PARD3B: variants seen among roughly 807,000 people sequenced by gnomAD.
PARD3B encodes partitioning defective 3 homolog B.
In PARD3B, 103 loss-of-function variants were observed where a neutral mutation model predicts 130.2. That is an observed-to-expected ratio of 0.79 (90% confidence interval 0.67 to 0.93). PARD3B has a LOEUF of 0.93. Ranked by LOEUF, PARD3B falls within the 40% of genes least tolerant of loss-of-function variation. The pLI is 0.00. For synonymous variants in PARD3B, 583 were observed against 553.2 expected (o/e 1.05, Z -0.76); for missense variants, 1,609 against 1,499.2 (o/e 1.07, Z -1.21).
intron 4 of PARD3B, among the ~76,000 whole-genome samples, chr2:205,072,104 A>G (rs1700772094): frequency 6.6e-6 from 1 of 152,190 alleles, no homozygotes; most frequent in African/African-American, 2.4e-5. Flanking sequence ...AAGAAATAAG[A>G]TATAGTTTGA....
At position 205,473,303 on chromosome 2, in the gene PARD3B, T is replaced by C. The variant is rs769636471; in HGVS notation, c.3045-26593T>C. Among the ~76,000 whole-genome samples, 1 of 152,144 alleles carries C rather than the reference T, an allele frequency of 6.6e-6. No homozygotes were observed. The highest frequency in any genetic ancestry group is 1.5e-5 in the Non-Finnish European group (1 of 68,008). On this transcript the variant is annotated intron_variant, in intron 20 of 22. Coordinates refer to ENST00000406610, the MANE Select transcript of PARD3B (RefSeq NM_001302769.2). The surrounding 1 kb of genome is among the most constrained non-coding windows in gnomAD (Gnocchi z 4.9). ...GCATTCTGCCTTTCATATCATAGGT[T>C]AATTTTTCATGGATCGTTATGAAAA... is the stretch of plus-strand genomic sequence containing the variant.
chr2:205,203,659 G>C (rs1392535858), intron 15 of PARD3B, among the ~76,000 whole-genome samples: 1 of 151,962 alleles, frequency 6.6e-6, no homozygotes, highest in East Asian at 1.9e-4. Flanking sequence ...GTGTCCATGT[G>C]TTCTCATTGT....
chr2:205,073,917 T>C (rs1224535399), intron 4 of PARD3B, among the ~76,000 whole-genome samples: 2 of 152,160 alleles, frequency 1.3e-5, no homozygotes, highest in East Asian at 3.8e-4. Flanking sequence ...CTGATTCTTG[T>C]GATATACATA....
At chr2:204,933,184 C>T (rs1688156652) in intron 2 of PARD3B, among the ~76,000 whole-genome samples, 4 of 152,080 alleles carry the variant, frequency 2.6e-5, no homozygotes, top group Admixed American at 2.6e-4. Context: ...CTGTGCACAT[C>T]CTGCATATCT....
chr2:204,589,051 T>A (rs1416180233), intron 1 of PARD3B, among the ~76,000 whole-genome samples: 3 of 152,154 alleles, frequency 2.0e-5, no homozygotes, highest in Non-Finnish European at 4.4e-5. Context: ...TTTTTATAGA[T>A]GCCTCACCAG....
At chr2:205,181,336 T>C (rs1471394617) in intron 13 of PARD3B, among the ~76,000 whole-genome samples, 1 of 152,234 alleles carries the variant, frequency 6.6e-6, no homozygotes, top group East Asian at 1.9e-4. Flanking sequence ...AAGATTGAAT[T>C]ATACGTTTCA....
At chr2:205,222,839 T>C (rs571634210) in intron 15 of PARD3B, among the ~76,000 whole-genome samples, 1 of 140,096 alleles carries the variant, frequency 7.1e-6, no homozygotes. Context: ...CTTGCACAAA[T>C]AGTCTTTTCT....
intron 22 of PARD3B, among the ~76,000 whole-genome samples, chr2:205,595,110 C>T (rs967771244): frequency 1.3e-5 from 2 of 151,700 alleles, no homozygotes; most frequent in African/African-American, 4.9e-5. Flanking sequence ...GTTATTGAGG[C>T]TCAGGAAGGG....
chr2:204,596,516 C>G (rs981311878), intron 1 of PARD3B, among the ~76,000 whole-genome samples: 1 of 152,150 alleles, frequency 6.6e-6, no homozygotes, highest in Admixed American at 6.5e-5. Context: ...GAGGGACCTT[C>G]TTTTGCTGCC....
chr2:205,231,535 C>T (rs2038838965), intron 15 of PARD3B, among the ~76,000 whole-genome samples: 1 of 148,460 alleles, frequency 6.7e-6, no homozygotes, highest in Non-Finnish European at 1.5e-5. Context: ...TGGGGTTTTG[C>T]CATGTTGCCC....
intron 18 of PARD3B, among the ~76,000 whole-genome samples, chr2:205,380,763 A>C (rs1273331309): frequency 9.6e-4 from 99 of 103,550 alleles, no homozygotes; most frequent in Non-Finnish European, 1.5e-3. Context: ...TATATAAAGA[A>C]TATATATAAT....
chr2:204,705,441 T>C (rs551493954), intron 2 of PARD3B, among the ~76,000 whole-genome samples: 94 of 152,266 alleles, frequency 6.2e-4, no homozygotes, highest in African/African-American at 2.1e-3. Flanking sequence ...GAGGCTCTTC[T>C]AAGGAAGTGA....
chr2:205,143,791 A>G (rs573335335), intron 10 of PARD3B, among the ~76,000 whole-genome samples: 1 of 152,184 alleles, frequency 6.6e-6, no homozygotes, highest in African/African-American at 2.4e-5. Flanking sequence ...GTATTTCCCT[A>G]CTTCAGGAAA....
intron 1 of PARD3B, among the ~76,000 whole-genome samples, chr2:204,554,662 A>C (rs967195601): frequency 6.6e-6 from 1 of 151,794 alleles, no homozygotes; most frequent in African/African-American, 2.4e-5. Context: ...CGAGACTCCC[A>C]CATTACTGTC....
intron 1 of PARD3B, among the ~76,000 whole-genome samples, chr2:204,611,607 C>A (rs915197735): frequency 1.3e-5 from 2 of 152,078 alleles, no homozygotes; most frequent in Admixed American, 1.3e-4. Context: ...AACTTGCAGA[C>A]TTTTAGCATC....
chr2:204,919,318 A>G (rs1015949180), intron 2 of PARD3B, among the ~76,000 whole-genome samples: 45 of 152,168 alleles, frequency 3.0e-4, no homozygotes, highest in African/African-American at 9.7e-4. Flanking sequence ...AGTTTTGACA[A>G]TGTATGTATC....
At chr2:204,590,775 T>C (rs1343529457) in intron 1 of PARD3B, among the ~76,000 whole-genome samples, 1 of 152,328 alleles carries the variant, frequency 6.6e-6, no homozygotes, top group East Asian at 1.9e-4. Context: ...TCTGCATGTG[T>C]GTGTTGAAAG....
chr2:205,034,096 CATACT>C (rs1697625676), intron 3 of PARD3B, among the ~76,000 whole-genome samples: 1 of 152,176 alleles, frequency 6.6e-6, no homozygotes, highest in Non-Finnish European at 1.5e-5. Flanking sequence ...AACTTATTTA[CATACT>C]AGACGAGATA....
At position 205,446,657 on chromosome 2, in the gene PARD3B, A is replaced by G. The variant is rs1368763481; in HGVS notation, c.3044+5985A>G. 6.6e-6 allele frequency among the ~76,000 whole-genome samples: 1 copy of G among 152,118 alleles called. No homozygotes were observed. The highest frequency in any genetic ancestry group is 1.5e-5 in the Non-Finnish European group (1 of 68,028). On this transcript the variant is annotated intron_variant, in intron 20 of 22. Transcript: ENST00000406610. This position sits in a 1 kb window ranked among gnomAD's most constrained non-coding sequence, Gnocchi z 4.4. ...TTAGAAAAAAAAAATTGCCTTATAAAAGATTCATCTATAAATGACAGTGGT... is the reference window on the plus strand; with the variant it reads ...TTAGAAAAAAAAAATTGCCTTATAAGAGATTCATCTATAAATGACAGTGGT...
Sources: gnomAD v4.1 joint callset for allele counts (sites outside exome capture counted in the v4.1 genomes callset) on GRCh38, gnomAD v4.1.1 for gene constraint, Gnocchi (gnomAD v3.1) non-coding constraint, MANE v1.5 for transcripts, NCBI Gene and HGNC (gene_info 2026-07-23, HGNC 2026-07-21) for gene names.